The following AXDND1 variants were observed in gnomAD, a reference collection of about 807,000 sequenced individuals.
The protein encoded by AXDND1 is axonemal dynein light chain domain-containing protein 1.
Under a neutral mutation model 137.5 loss-of-function variants are expected in AXDND1, and 110 were observed. The ratio of observed to expected loss-of-function variants is 0.80; its 90% CI spans 0.69 to 0.94. The LOEUF (loss-of-function observed/expected upper bound fraction) is 0.94, where lower values mean the gene tolerates loss of function less well. Among genes scored for constraint, AXDND1 ranks in the 40% least tolerant of loss-of-function variants. AXDND1 has a pLI of 0.00. For missense variants in AXDND1, 1,191 were observed against 1,169.8 expected (o/e 1.02, Z -0.26); for synonymous variants, 414 against 399.7 (o/e 1.04, Z -0.43).
rs577148644 is a variant in AXDND1, at chr1:179,370,020, C to G, written c.316C>G (p.Arg106Gly). The change falls in exon 4 of 26, where the codon CGA becomes GGA. Residue 106 changes from arginine to glycine, a missense_variant. Physicochemically the swap from Arg to Gly is moderately radical, Grantham distance 125. Transcript: ENST00000367618. The part of the protein sequence containing the change: ...LVDHVWHHPV[R>G]RNKFKYLIDH... ...AGACCATGTCTGGCATCACCCTGTT[C>G]GAAGGAATAAATTCAAATACCTGAT... 18 of 1,614,012 alleles carry G rather than the reference C, an allele frequency of 1.1e-5. No individual in the cohort carries two copies. Among genetic ancestry groups the G allele is most frequent in the Non-Finnish European group, 1.4e-5 (16 of 1,179,980 alleles).
At chr1:179,478,556 T>A (rs1233649274) in intron 17 of AXDND1, among the ~76,000 whole-genome samples, 1 of 152,194 alleles carries the variant, frequency 6.6e-6, no homozygotes, top group Admixed American at 6.5e-5. Flanking sequence ...AGAGGGACCC[T>A]GGGCCTGGCC....
intron 17 of AXDND1, among the ~76,000 whole-genome samples, chr1:179,471,594 A>G (rs1220162905): frequency 1.3e-5 from 2 of 152,042 alleles, no homozygotes; most frequent in African/African-American, 2.4e-5. Context: ...AGCCTTCTCT[A>G]TTTCTCCTGG....
rs2125708669 is a variant in AXDND1 at position 179,534,721 on chromosome 1, C to G, written c.2799-9C>G. The G allele has an allele frequency of 6.4e-7, 1 of 1,565,058 alleles. No individual in the cohort carries two copies. Among genetic ancestry groups the G allele is most frequent in the Admixed American group, 2.2e-5 (1 of 44,976 alleles). ...TTTCTATTTTGTTGTGTCTTCTCTTCCATATCAGGGAGGTTGAAAATAGAG... is the reference window on the plus strand; with the variant it reads ...TTTCTATTTTGTTGTGTCTTCTCTTGCATATCAGGGAGGTTGAAAATAGAG... On this transcript the variant is annotated splice_polypyrimidine_tract_variant and intron_variant, in intron 24 of 25. Transcript: ENST00000367618.
intron 16 of AXDND1, chr1:179,456,731 A>G: frequency 1.3e-6 from 1 of 783,444 alleles, no homozygotes; most frequent in Non-Finnish European, 2.3e-6. Context: ...CATGACCACC[A>G]CCAAAGTTTC....
intron 21 of AXDND1, among the ~76,000 whole-genome samples, chr1:179,521,415 CTCTT>C (rs1670048667): frequency 6.6e-6 from 1 of 151,942 alleles, no homozygotes; most frequent in African/African-American, 2.4e-5. Flanking sequence ...ATAGTTTTAC[CTCTT>C]TCTTTTCAAT....
Position 179,395,199 on chromosome 1 carries a change from C to A in AXDND1, c.1106C>A (p.Ala369Asp), listed in dbSNP as rs750895394. 1.2e-6 allele frequency: 2 copies of A among 1,610,410 alleles called. No homozygotes were observed. The highest frequency in any genetic ancestry group is 2.2e-5 in the East Asian group (1 of 44,788). The change falls in exon 11 of 26, where the codon GCC (alanine) becomes GAC (aspartate). Residue 369 changes from alanine to aspartate, a missense_variant. Physicochemically the swap from Ala to Asp is moderately radical, Grantham distance 126. Coordinates refer to ENST00000367618, the MANE Select transcript of AXDND1 (RefSeq NM_144696.6). Reference sequence around the variant, plus strand: ...GCTCTTTTAAATGCGGAAAAGAATGCCAAGTGAGTTGCTTAAAGTTTGTTT... The same window carrying A: ...GCTCTTTTAAATGCGGAAAAGAATGACAAGTGAGTTGCTTAAAGTTTGTTT... ...AQALLNAEKN[A>D]KIVEEYHDLY...
intron 11 of AXDND1, among the ~76,000 whole-genome samples, chr1:179,405,154 T>C (rs1652751983): frequency 6.6e-6 from 1 of 152,122 alleles, no homozygotes; most frequent in Non-Finnish European, 1.5e-5. Flanking sequence ...CTCCCACTTA[T>C]GAATGAGAAC....
intron 4 of AXDND1, among the ~76,000 whole-genome samples, chr1:179,372,930 G>A (rs556159088): frequency 1.3e-5 from 2 of 152,202 alleles, no homozygotes; most frequent in East Asian, 1.9e-4. Flanking sequence ...TGATCCACCC[G>A]CCTCGGCCTC....
In AXDND1 at chr1:179,552,805, AGT is replaced by A; in HGVS notation, c.3032-1703_3032-1702del. 12 of 750,088 alleles carry A rather than the reference AGT, an allele frequency of 1.6e-5. No individual in the cohort carries two copies. In the South Asian group the frequency reaches 1.8e-4, roughly 11 times the overall value. 46.5% of individuals were successfully genotyped at this position (750,088 alleles called of 1,614,324 possible). A position where few individuals can be genotyped will look rare whatever the true frequency, so the allele number is the denominator to read the frequency against. On this transcript the variant is annotated intron_variant, in intron 25 of 25. Coordinates refer to ENST00000367618, the MANE Select transcript of AXDND1 (RefSeq NM_144696.6). Reference sequence around the variant, plus strand: ...TGAGTAGCAAATTTGGAGTGACCAGAGTGTGCCATTCCTAGACTTCTGAGGTC... The same window carrying A: ...TGAGTAGCAAATTTGGAGTGACCAGAGTGCCATTCCTAGACTTCTGAGGTC...
intron 18 of AXDND1, among the ~76,000 whole-genome samples, chr1:179,487,957 C>G (rs1666260803): frequency 7.5e-6 from 1 of 133,986 alleles, no homozygotes; most frequent in Non-Finnish European, 1.5e-5. Context: ...GATTGTGCCA[C>G]TGCACTCCAG....
At chr1:179,525,535 C>G (rs1264330581) in intron 22 of AXDND1, 88 bp downstream of exon 22, 1 of 1,390,028 alleles carries the variant, frequency 7.2e-7, no homozygotes, top group Non-Finnish European at 9.5e-7. Context: ...CCTGCCCTGT[C>G]ACCCAGGTTG....
chr1:179,518,772 C>G (rs890856167), intron 21 of AXDND1, among the ~76,000 whole-genome samples: 2 of 152,094 alleles, frequency 1.3e-5, no homozygotes, highest in African/African-American at 4.8e-5. Flanking sequence ...ACTGCATTTT[C>G]TTTATCTAGT....
intron 21 of AXDND1, among the ~76,000 whole-genome samples, chr1:179,515,171 T>C (rs1669417108): frequency 6.6e-6 from 1 of 152,200 alleles, no homozygotes; most frequent in Non-Finnish European, 1.5e-5. Flanking sequence ...TTTTTTGTTT[T>C]ATAAGTCCTG....
In AXDND1 at chr1:179,467,526, G is replaced by A. The variant is rs150605213; in HGVS notation, c.1799-917G>A. ...GATGATTTAATGTATACAAGAGGATGTGCATAGGTTATATGCAAATACCAC... is the reference window on the plus strand; with the variant it reads ...GATGATTTAATGTATACAAGAGGATATGCATAGGTTATATGCAAATACCAC... On this transcript the variant is annotated intron_variant, in intron 16 of 25. Transcript: ENST00000367618. Among the ~76,000 whole-genome samples, 558 of 152,304 alleles carry A rather than the reference G, an allele frequency of 3.7e-3. 3 individuals carry two copies. The highest frequency in any genetic ancestry group is 0.012 in the African/African-American group (483 of 41,558).
intron 23 of AXDND1, 118 bp from the exon 24 acceptor site, chr1:179,533,677 T>C: frequency 1.6e-6 from 1 of 632,058 alleles, no homozygotes; most frequent in Middle Eastern, 3.8e-4. Flanking sequence ...ATCTATTAGA[T>C]AGATATGGGT....
intron 12 of AXDND1, among the ~76,000 whole-genome samples, chr1:179,415,260 T>G (rs1037932677): frequency 6.6e-6 from 1 of 152,088 alleles, no homozygotes; most frequent in African/African-American, 2.4e-5. Context: ...GAGAATTGCT[T>G]GAACCCGGGA....
chr1:179,528,641 CTTTTTT>C (rs34531104), intron 23 of AXDND1, among the ~76,000 whole-genome samples: 56 of 115,354 alleles, frequency 4.9e-4, no homozygotes, highest in African/African-American at 1.1e-3. Context: ...CTTTAAACCT[CTTTTTT>C]TTTTTTTTTT....
chr1:179,463,744 G>A lies in AXDND1; in HGVS notation c.1799-4699G>A, dbSNP rs552178752. Among the ~76,000 whole-genome samples the A allele has an allele frequency of 5.0e-3, 757 of 152,204 alleles. 8 individuals carry two copies. The highest frequency in any genetic ancestry group is 0.018 in the African/African-American group (728 of 41,528). Reference sequence around the variant, plus strand: ...TGTTAAAGTCTCCCATTATTATTGTGTGGGAGTCTAAGTCTCTTTGTAGGT... The same window carrying A: ...TGTTAAAGTCTCCCATTATTATTGTATGGGAGTCTAAGTCTCTTTGTAGGT... On this transcript the variant is annotated intron_variant, in intron 16 of 25. Transcript: ENST00000367618.
intron 11 of AXDND1, among the ~76,000 whole-genome samples, chr1:179,402,477 G>C (rs548446931): frequency 6.6e-6 from 1 of 152,040 alleles, no homozygotes; most frequent in African/African-American, 2.4e-5. Flanking sequence ...TATATATTCC[G>C]TTTTCCCTTT....
Sources: allele counts gnomAD v4.1 joint callset (sites outside exome capture counted in the v4.1 genomes callset), GRCh38; gene constraint gnomAD v4.1.1; transcripts MANE v1.5; gene names NCBI Gene and HGNC (gene_info 2026-07-23, HGNC 2026-07-21).